Variants in TENM4 observed in about 807,000 individuals in gnomAD.
The protein encoded by TENM4 is teneurin transmembrane protein 4.
Under a neutral mutation model 243.3 loss-of-function variants are expected in TENM4, and 82 were observed. That is an observed-to-expected ratio of 0.34 (90% CI 0.28 to 0.40). The LOEUF (loss-of-function observed/expected upper bound fraction) is 0.40. TENM4 is among the 10% of genes least tolerant of loss of function. The pLI is 1.00. For missense variants in TENM4, 3,138 were observed against 3,673.3 expected (o/e 0.85, Z 3.77); for synonymous variants, 1,412 against 1,456.3 (o/e 0.97, Z 0.69).
chr11:78,738,388 G>A (rs1323035283), intron 20 of TENM4, 63 bp downstream of exon 20: 3 of 1,560,280 alleles, frequency 1.9e-6, no homozygotes, highest in Non-Finnish European at 2.6e-6. Context: ...TCCAGCAGCA[G>A]CTATATGGCA....
intron 6 of TENM4, among the ~76,000 whole-genome samples, chr11:79,017,250 T>A (rs1027534121): frequency 7.9e-5 from 12 of 152,184 alleles, no homozygotes; most frequent in African/African-American, 2.9e-4. Context: ...GAGGAATGGC[T>A]GAAGGAATAG....
At chr11:79,368,625 A>G (rs1857722233) in intron 1 of TENM4, among the ~76,000 whole-genome samples, 1 of 152,186 alleles carries the variant, frequency 6.6e-6, no homozygotes, top group Non-Finnish European at 1.5e-5. Flanking sequence ...CAGTCCTGCC[A>G]TTTACCAGCT....
chr11:79,167,540 G>T (rs893565729), intron 3 of TENM4, among the ~76,000 whole-genome samples: 3 of 152,148 alleles, frequency 2.0e-5, no homozygotes, highest in African/African-American at 4.8e-5. Flanking sequence ...ATTGCCCAAG[G>T]CTGCCTAGCC....
chr11:79,366,059 TC>T (rs1216849529), intron 1 of TENM4, among the ~76,000 whole-genome samples: 1 of 152,212 alleles, frequency 6.6e-6, no homozygotes, highest in African/African-American at 2.4e-5. Context: ...TCATGCTAGA[TC>T]CTTTAAATTA....
chr11:79,372,627 G>A (rs867101392), intron 1 of TENM4, among the ~76,000 whole-genome samples: 2 of 152,204 alleles, frequency 1.3e-5, no homozygotes, highest in Admixed American at 6.5e-5. Context: ...CAACAACCAG[G>A]CTTTGAGAAT....
intron 1 of TENM4, among the ~76,000 whole-genome samples, chr11:79,316,159 G>C (rs1346881772): frequency 6.6e-6 from 1 of 152,128 alleles, no homozygotes; most frequent in East Asian, 1.9e-4. Flanking sequence ...AGACAGGAGA[G>C]GAAGCAGATA....
Position 79,146,021 on chromosome 11 carries a change from G to T in TENM4, c.-66+2689C>A, listed in dbSNP as rs182192339. On this transcript the variant is annotated intron_variant, in intron 4 of 33. Coordinates refer to ENST00000278550, the MANE Select transcript of TENM4 (RefSeq NM_001098816.3). ...CTTTTTTTTCTACCATATATATTTGGATATGAGACCTTTGTTGAGTATATG... is the reference window on the plus strand; with the variant it reads ...CTTTTTTTTCTACCATATATATTTGTATATGAGACCTTTGTTGAGTATATG... 2.9e-3 allele frequency among the ~76,000 whole-genome samples: 447 copies of T among 151,936 alleles called. 3 individuals are homozygous for T. Among genetic ancestry groups the T allele is most frequent in the African/African-American group, 0.01 (421 of 41,456 alleles).
intron 6 of TENM4, among the ~76,000 whole-genome samples, chr11:79,021,126 T>G (rs1367665935): frequency 6.6e-6 from 1 of 152,214 alleles, no homozygotes; most frequent in Non-Finnish European, 1.5e-5. Context: ...TTTATATACC[T>G]TACTGAGTCC....
chr11:78,977,644 C>T (rs142116142), intron 6 of TENM4, among the ~76,000 whole-genome samples: 95 of 152,298 alleles, frequency 6.2e-4, no homozygotes, highest in African/African-American at 2.1e-3. Flanking sequence ...CAAATCAAAA[C>T]CACAATGAAA....
At chr11:79,175,065 T>C (rs1470669755) in intron 3 of TENM4, among the ~76,000 whole-genome samples, 1 of 152,198 alleles carries the variant, frequency 6.6e-6, no homozygotes, top group Non-Finnish European at 1.5e-5. Flanking sequence ...ATTTCTTTCT[T>C]TGCTGTCCCC....
In TENM4 at chr11:79,073,663, C is replaced by A. The variant is rs900925272; in HGVS notation, c.-65-3654G>T. Among the ~76,000 whole-genome samples, 3 of 152,100 alleles carry A rather than the reference C, an allele frequency of 2.0e-5. No homozygotes were observed. In the East Asian group the frequency reaches 5.8e-4, roughly 29 times the overall value. ...AGCCCAGGCTTGCGGTATGCATCCCCCACTGACCGGCTGAATGACCTTGGG... is the reference window on the plus strand; with the variant it reads ...AGCCCAGGCTTGCGGTATGCATCCCACACTGACCGGCTGAATGACCTTGGG... On this transcript the variant is annotated intron_variant, in intron 4 of 33. Coordinates refer to ENST00000278550, the MANE Select transcript of TENM4 (RefSeq NM_001098816.3).
At chr11:79,015,103 A>T (rs11824760) in intron 6 of TENM4, among the ~76,000 whole-genome samples, 8 of 152,242 alleles carry the variant, frequency 5.3e-5, no homozygotes, top group Non-Finnish European at 1.0e-4. Context: ...CTCTGTAAGA[A>T]GTGCAGCACA....
intron 25 of TENM4, among the ~76,000 whole-genome samples, chr11:78,719,089 C>T (rs979601795): frequency 6.6e-6 from 1 of 152,136 alleles, no homozygotes; most frequent in African/African-American, 2.4e-5. Flanking sequence ...ATTTCTGGAG[C>T]TCCTCCCTGT....
In TENM4 at chr11:78,668,987, T is replaced by G. The variant is rs1441626873; in HGVS notation, c.7358A>C (p.Lys2453Thr). 1 of 1,613,814 alleles carries G rather than the reference T, an allele frequency of 6.2e-7. No individual in the cohort carries two copies. Among genetic ancestry groups the G allele is most frequent in the African/African-American group, 1.3e-5 (1 of 74,906 alleles). ...NVMPFNLYMFKNNNPISNSQD... is the reference protein window; with the variant it reads ...NVMPFNLYMFTNNNPISNSQD... ...GGAGTTGCTGATGGGGTTGTTGTTT[T>G]TGAACATATAGAGATTAAAAGGCAT... Residue 2453 changes from lysine to threonine, a missense_variant, in exon 32 of 34, where the codon AAA (lysine) becomes ACA (threonine). Physicochemically the swap from Lys to Thr is moderately conservative, Grantham distance 78. Around this residue, in one of 2 missense-constraint regions of TENM4, gnomAD observed 2,467 missense variants for 3,059.1 expected, o/e 0.81. Transcript: ENST00000278550.
intron 4 of TENM4, among the ~76,000 whole-genome samples, chr11:79,100,023 T>C (rs190822107): frequency 1.7e-3 from 258 of 152,234 alleles, no homozygotes; most frequent in Admixed American, 4.6e-3. Flanking sequence ...GCCAGGGCCG[T>C]TTTTAGCATC....
chr11:79,146,569 G>A (rs990296576), intron 4 of TENM4, among the ~76,000 whole-genome samples: 1 of 151,914 alleles, frequency 6.6e-6, no homozygotes, highest in Non-Finnish European at 1.5e-5. Flanking sequence ...TCAGGGGCAT[G>A]GTCTTATGGA....
chr11:79,202,002 T>C (rs910846774), intron 3 of TENM4, among the ~76,000 whole-genome samples: 3 of 152,104 alleles, frequency 2.0e-5, no homozygotes, highest in African/African-American at 7.2e-5. Flanking sequence ...TGGTCAGGTG[T>C]GTGAGACAAA....
chr11:78,871,375 T>C (rs1477604380), intron 9 of TENM4, among the ~76,000 whole-genome samples: 1 of 152,150 alleles, frequency 6.6e-6, no homozygotes, highest in Non-Finnish European at 1.5e-5. Context: ...TCATTGTGTA[T>C]CAAGGTTTTC....
chr11:79,192,775 A>G (rs1022912094), intron 3 of TENM4, among the ~76,000 whole-genome samples: 7 of 151,796 alleles, frequency 4.6e-5, no homozygotes, highest in Non-Finnish European at 1.0e-4. Flanking sequence ...AAAAAAAAAT[A>G]TTTTCAGCAC....
Sources: gnomAD v4.1 joint callset for allele counts (sites outside exome capture counted in the v4.1 genomes callset) on GRCh38, gnomAD v4.1.1 for gene constraint, gnomAD v4.1.1 regional missense constraint, MANE v1.5 for transcripts, NCBI Gene and HGNC (gene_info 2026-07-23, HGNC 2026-07-21) for gene names.